Variants in KHDRBS2 observed in about 807,000 individuals in gnomAD.
KHDRBS2 encodes the protein KH RNA binding domain containing, signal transduction associated 2, also known as KH domain-containing, RNA-binding, signal transduction-associated protein 2.
In KHDRBS2, 26 loss-of-function variants were observed where a neutral mutation model predicts 44.3. The ratio of observed to expected loss-of-function variants is 0.59; its 90% CI spans 0.43 to 0.81. KHDRBS2 has a LOEUF of 0.81. Ranked by LOEUF, KHDRBS2 falls within the 40% of genes least tolerant of loss-of-function variation. KHDRBS2 has a pLI of 0.00. For missense variants in KHDRBS2, 476 were observed against 433.1 expected, an observed-to-expected ratio of 1.10 and a Z score of -0.88; for synonymous variants, 194 against 151.1, an observed-to-expected ratio of 1.28 and a Z score of -2.08.
At chr6:61,750,904 C>G (rs1777586337) in intron 6 of KHDRBS2, among the ~76,000 whole-genome samples, 2 of 151,790 alleles carry the variant, frequency 1.3e-5, no homozygotes, top group African/African-American at 4.8e-5. Flanking sequence ...GTTAATATAT[C>G]TCTATTAAGA....
At chr6:61,778,896 T>C (rs1236750398) in intron 6 of KHDRBS2, among the ~76,000 whole-genome samples, 1 of 152,220 alleles carries the variant, frequency 6.6e-6, no homozygotes, top group African/African-American at 2.4e-5. Context: ...TGTAGCCTTA[T>C]CTTCCACTGC....
At chr6:62,219,372 A>G (rs1485066109) in intron 1 of KHDRBS2, among the ~76,000 whole-genome samples, 2 of 151,872 alleles carry the variant, frequency 1.3e-5, no homozygotes, top group Admixed American at 6.5e-5. Context: ...GGAAAAAACC[A>G]TAAATAAATA....
chr6:62,013,404 T>C (rs1165361178), intron 3 of KHDRBS2, among the ~76,000 whole-genome samples: 1 of 152,108 alleles, frequency 6.6e-6, no homozygotes, highest in Non-Finnish European at 1.5e-5. Context: ...AATTTACTGA[T>C]ATAAGTTGAT....
At chr6:61,823,060 G>T (rs1297525472) in intron 6 of KHDRBS2, among the ~76,000 whole-genome samples, 1 of 151,906 alleles carries the variant, frequency 6.6e-6, no homozygotes, top group Non-Finnish European at 1.5e-5. Flanking sequence ...TATGCTAAAT[G>T]ATGCATGATG....
chr6:61,810,270 G>A (rs2127592400), intron 6 of KHDRBS2, among the ~76,000 whole-genome samples: 1 of 152,112 alleles, frequency 6.6e-6, no homozygotes, highest in South Asian at 2.1e-4. Flanking sequence ...ATGCCCTGAA[G>A]GGACATGATC....
chr6:62,285,777 C>T, intron 1 of KHDRBS2, 81 bp downstream of exon 1: 1 of 930,436 alleles, frequency 1.1e-6, no homozygotes, highest in Non-Finnish European at 1.7e-6. Context: ...AGGAGTCCCT[C>T]CCCAACTTCA....
the KHDRBS2 span, among the ~76,000 whole-genome samples, chr6:61,575,926 G>GA: frequency 6.6e-6 from 1 of 152,214 alleles, no homozygotes; most frequent in South Asian, 2.1e-4. Context: ...GCATAAGAAT[G>GA]ATATAATGAA....
intron 1 of KHDRBS2, among the ~76,000 whole-genome samples, chr6:62,184,350 G>GT (rs372536666): frequency 1.5e-3 from 225 of 151,724 alleles, no homozygotes; most frequent in African/African-American, 5.3e-3. Flanking sequence ...TCAAATTTCA[G>GT]TATCAAAAAA....
intron 3 of KHDRBS2, among the ~76,000 whole-genome samples, chr6:62,004,435 C>G (rs573254400): frequency 5.3e-5 from 8 of 152,164 alleles, no homozygotes; most frequent in Non-Finnish European, 8.8e-5. Context: ...GACATACACC[C>G]TCCTAATACA....
chr6:61,960,847 G>A (rs1255213070), intron 4 of KHDRBS2, among the ~76,000 whole-genome samples: 4 of 152,076 alleles, frequency 2.6e-5, no homozygotes, highest in Non-Finnish European at 4.4e-5. Context: ...GAGGTATCTC[G>A]TTCAGGGTAA....
intron 3 of KHDRBS2, among the ~76,000 whole-genome samples, chr6:61,998,033 A>T (rs1777548928): frequency 6.6e-6 from 1 of 152,200 alleles, no homozygotes; most frequent in African/African-American, 2.4e-5. Context: ...AATTGTAATT[A>T]ATTTTAAACC....
In KHDRBS2 at chr6:61,754,808, T is replaced by A. The variant is rs992320992; in HGVS notation, c.811-22044A>T. Among the ~76,000 whole-genome samples, 5 of 152,174 alleles carry A rather than the reference T, an allele frequency of 3.3e-5. 1 individual carries two copies. The highest frequency in any genetic ancestry group is 3.3e-4 in the Admixed American group (5 of 15,284). On this transcript the variant is annotated intron_variant, in intron 6 of 8. Coordinates refer to ENST00000281156, the MANE Select transcript of KHDRBS2 (RefSeq NM_152688.4). ...CAAGATGCATACATTTAGGGATATC[T>A]TTCTTAAATTATAACTTTGAAGGTT...
the KHDRBS2 span, among the ~76,000 whole-genome samples, chr6:61,589,643 T>C: frequency 2.6e-5 from 4 of 152,120 alleles, no homozygotes; most frequent in Admixed American, 2.6e-4. Flanking sequence ...GTGGACTGGA[T>C]AGGAACAAGT....
At chr6:61,636,057 AT>A in the KHDRBS2 span, among the ~76,000 whole-genome samples, 1 of 152,058 alleles carries the variant, frequency 6.6e-6, no homozygotes, top group Non-Finnish European at 1.5e-5. Context: ...GGAAATACAT[AT>A]TCCACAATAT....
At chr6:62,039,720 A>C (rs1005179797) in intron 3 of KHDRBS2, among the ~76,000 whole-genome samples, 2 of 152,092 alleles carry the variant, frequency 1.3e-5, no homozygotes. Flanking sequence ...ATCAAGATAA[A>C]TCTTCAACAA....
chr6:62,125,988 TGAA>T (rs1197605015), intron 2 of KHDRBS2, among the ~76,000 whole-genome samples: 1 of 152,018 alleles, frequency 6.6e-6, no homozygotes, highest in African/African-American at 2.4e-5. Flanking sequence ...GACTTTGTCT[TGAA>T]GCTTAGATAC....
intron 1 of KHDRBS2, among the ~76,000 whole-genome samples, chr6:62,194,310 T>G (rs1435659110): frequency 1.3e-5 from 2 of 151,862 alleles, no homozygotes; most frequent in African/African-American, 2.4e-5. Context: ...CTACCACCAC[T>G]TGTTGAAATG....
the KHDRBS2 span, among the ~76,000 whole-genome samples, chr6:61,608,256 A>G: frequency 4.0e-5 from 6 of 151,818 alleles, no homozygotes; most frequent in East Asian, 3.9e-4. Flanking sequence ...ATATATACAC[A>G]TATATACTCA....
chr6:61,979,114 A>T (rs1459842144), intron 3 of KHDRBS2, among the ~76,000 whole-genome samples: 1 of 152,042 alleles, frequency 6.6e-6, no homozygotes, highest in East Asian at 1.9e-4. Context: ...TATACATATC[A>T]TCTCTAATCA....
Sources: allele counts gnomAD v4.1 joint callset (sites outside exome capture counted in the v4.1 genomes callset), GRCh38; gene constraint gnomAD v4.1.1; transcripts MANE v1.5; gene names NCBI Gene and HGNC (gene_info 2026-07-23, HGNC 2026-07-21).